The following RSPO2 variants were observed in gnomAD, a reference collection of about 807,000 sequenced individuals.
RSPO2 encodes the protein R-spondin 2.
Under a neutral mutation model 30.9 loss-of-function variants are expected in RSPO2, and 14 were observed. The ratio of observed to expected loss-of-function variants is 0.45; its 90% CI spans 0.30 to 0.71. The LOEUF (loss-of-function observed/expected upper bound fraction) is 0.71, where lower values mean the gene tolerates loss of function less well. Among genes scored for constraint, RSPO2 ranks in the 30% least tolerant of loss-of-function variants. RSPO2 has a pLI of 0.08. For synonymous variants in RSPO2, 107 were observed against 96.4 expected (o/e 1.11, Z -0.64); for missense variants, 264 against 301.9 (o/e 0.87, Z 0.93).
intron 2 of RSPO2, among the ~76,000 whole-genome samples, chr8:108,064,451 T>C (rs1457344364): frequency 6.6e-6 from 1 of 152,114 alleles, no homozygotes; most frequent in African/African-American, 2.4e-5. Context: ...ATCAGAGAAA[T>C]GCAAATCAAA....
chr8:107,960,867 A>C, intron 3 of RSPO2, 50 bp from the exon 4 acceptor site: 1 of 1,397,770 alleles, frequency 7.2e-7, no homozygotes, highest in Non-Finnish European at 9.7e-7. Context: ...AAAGAAATTT[A>C]CTTGTTTTAC....
intron 2 of RSPO2, among the ~76,000 whole-genome samples, chr8:108,051,613 G>A (rs1432509547): frequency 6.6e-6 from 1 of 152,216 alleles, no homozygotes; most frequent in African/African-American, 2.4e-5. Flanking sequence ...GAAAGGACAA[G>A]TGGAGCATCT....
chr8:107,989,860 C>T (rs1814787393), intron 2 of RSPO2, among the ~76,000 whole-genome samples: 1 of 152,170 alleles, frequency 6.6e-6, no homozygotes. Flanking sequence ...TATAGAATTA[C>T]TCTCTAGATA....
At chr8:107,948,195 C>G (rs540213286) in intron 5 of RSPO2, among the ~76,000 whole-genome samples, 39 of 152,170 alleles carry the variant, frequency 2.6e-4, no homozygotes, top group Non-Finnish European at 4.3e-4. Context: ...TGGCTATAAA[C>G]TCTCTTGTTT....
chr8:107,992,202 C>CACACACACACACACAT (rs761066938), intron 2 of RSPO2, among the ~76,000 whole-genome samples: 2 of 151,764 alleles, frequency 1.3e-5, no homozygotes, highest in Admixed American at 6.6e-5. Flanking sequence ...CACACACACA[C>CACACACACACACACAT]ACCATGGAAT....
At chr8:107,974,324 A>C (rs1026908538) in intron 3 of RSPO2, among the ~76,000 whole-genome samples, 16 of 115,590 alleles carry the variant, frequency 1.4e-4, no homozygotes, top group African/African-American at 8.2e-4. Flanking sequence ...TCATCTCTAC[A>C]AAAAAAAAAA....
At chr8:107,987,920 A>G (rs1005609133) in intron 3 of RSPO2, among the ~76,000 whole-genome samples, 1 of 152,144 alleles carries the variant, frequency 6.6e-6, no homozygotes, top group African/African-American at 2.4e-5. Flanking sequence ...TCATATATAT[A>G]TGAGTGATTT....
At chr8:107,948,224 A>T (rs1813128888) in intron 5 of RSPO2, among the ~76,000 whole-genome samples, 1 of 152,124 alleles carries the variant, frequency 6.6e-6, no homozygotes, top group South Asian at 2.1e-4. Context: ...CTCTCCTCCC[A>T]ATCTTCCCAT....
At chr8:107,936,882 C>A (rs1812738233) in intron 5 of RSPO2, among the ~76,000 whole-genome samples, 1 of 152,064 alleles carries the variant, frequency 6.6e-6, no homozygotes, top group African/African-American at 2.4e-5. Context: ...TTTGCATATT[C>A]TGGATATTCG....
Position 108,083,202 on chromosome 8 carries a change from G to T in RSPO2, c.-175C>A, listed in dbSNP as rs1437399424. 1.3e-5 allele frequency: 2 copies of T among 152,340 alleles called. No homozygotes were observed. The highest frequency in any genetic ancestry group is 2.9e-5 in the Non-Finnish European group (2 of 68,134). The allele number at this position is 152,340 out of a possible 1,614,324, so 9.4% of individuals were successfully genotyped here. On this transcript the variant is annotated 5_prime_UTR_variant, in exon 1 of 6. Coordinates refer to ENST00000276659, the MANE Select transcript of RSPO2 (RefSeq NM_178565.5). ...CCTTGGTGTGGGTTGCCTACCGTGC[G>T]CACGTCTCGGGCGGCGCGGCCTCCC...
intron 2 of RSPO2, among the ~76,000 whole-genome samples, chr8:108,011,867 G>A (rs1227649873): frequency 1.3e-5 from 2 of 152,162 alleles, no homozygotes; most frequent in Non-Finnish European, 2.9e-5. Flanking sequence ...CCTCCAAGTA[G>A]AACATTCATA....
chr8:107,986,189 T>C lies in RSPO2; in HGVS notation c.283+2867A>G, dbSNP rs73700360. Among the ~76,000 whole-genome samples, 413 of 152,316 alleles carry C rather than the reference T, an allele frequency of 2.7e-3. 2 individuals carry two copies. Among genetic ancestry groups the C allele is most frequent in the African/African-American group, 9.1e-3 (377 of 41,574 alleles). On this transcript the variant is annotated intron_variant, in intron 3 of 5. Coordinates refer to ENST00000276659, the MANE Select transcript of RSPO2 (RefSeq NM_178565.5). ...AAAATACAAATATCAATGCAATATA[T>C]GCAAACTAGTCATGAAAAAGAGCAA... is the stretch of plus-strand genomic sequence containing the variant.
chr8:108,051,991 T>C (rs1276430078), intron 2 of RSPO2, among the ~76,000 whole-genome samples: 1 of 152,194 alleles, frequency 6.6e-6, no homozygotes, highest in Non-Finnish European at 1.5e-5. Context: ...TTGGTTTGTA[T>C]GTATATTTAA....
At chr8:108,014,335 A>C (rs1376706364) in intron 2 of RSPO2, among the ~76,000 whole-genome samples, 1 of 152,136 alleles carries the variant, frequency 6.6e-6, no homozygotes, top group African/African-American at 2.4e-5. Flanking sequence ...CAGCAATCCC[A>C]TTTACCAGGT....
intron 5 of RSPO2, among the ~76,000 whole-genome samples, chr8:107,936,871 C>G (rs1272854099): frequency 6.6e-6 from 1 of 152,022 alleles, no homozygotes; most frequent in South Asian, 2.1e-4. Context: ...TGTTTGAGAT[C>G]TTTGCATATT....
intron 2 of RSPO2, among the ~76,000 whole-genome samples, chr8:108,000,882 G>A (rs1815221075): frequency 6.6e-6 from 1 of 151,978 alleles, no homozygotes; most frequent in Non-Finnish European, 1.5e-5. Context: ...GGCGCCTGTA[G>A]TCCCAGCTAC....
At chr8:107,928,595 G>A (rs983332071) in intron 5 of RSPO2, among the ~76,000 whole-genome samples, 1 of 152,256 alleles carries the variant, frequency 6.6e-6, no homozygotes, top group East Asian at 1.9e-4. Context: ...TTCCTAAAGT[G>A]GATGCTTTCC....
intron 2 of RSPO2, among the ~76,000 whole-genome samples, chr8:108,043,159 T>C (rs957611128): frequency 2.0e-5 from 3 of 152,140 alleles, no homozygotes; most frequent in African/African-American, 7.2e-5. Flanking sequence ...TAAGAGCAAT[T>C]ATGGAACAGC....
At chr8:108,040,176 T>C (rs1811709401) in intron 2 of RSPO2, among the ~76,000 whole-genome samples, 2 of 152,140 alleles carry the variant, frequency 1.3e-5, no homozygotes, top group Non-Finnish European at 2.9e-5. Context: ...CACCCATTTC[T>C]AGAAGGCTCT....
Sources: gnomAD v4.1 joint callset for allele counts (sites outside exome capture counted in the v4.1 genomes callset) on GRCh38, gnomAD v4.1.1 for gene constraint, MANE v1.5 for transcripts, NCBI Gene and HGNC (gene_info 2026-07-23, HGNC 2026-07-21) for gene names.